The following PLCE1 variants were observed in gnomAD, a reference collection of about 807,000 sequenced individuals.
PLCE1 encodes 1-phosphatidylinositol 4,5-bisphosphate phosphodiesterase epsilon-1.
In PLCE1, 119 loss-of-function variants were observed where a neutral mutation model predicts 242.8. The observed-to-expected ratio is 0.49, with a 90% CI of 0.42 to 0.57. PLCE1 has a LOEUF of 0.57. Among genes scored for constraint, PLCE1 ranks in the 20% least tolerant of loss-of-function variants. The pLI is 0.00. For synonymous variants in PLCE1, 945 were observed against 1,017.4 expected, an observed-to-expected ratio of 0.93 and a Z score of 1.35; for missense variants, 2,441 against 2,788.8, an observed-to-expected ratio of 0.88 and a Z score of 2.81.
chr10:94,245,221 T>C (rs1231085628), intron 7 of PLCE1, among the ~76,000 whole-genome samples: 1 of 152,120 alleles, frequency 6.6e-6, no homozygotes, highest in Non-Finnish European at 1.5e-5. Flanking sequence ...CTTGAACAAA[T>C]TACTTTCCCT....
chr10:94,234,130 A>G lies in PLCE1; in HGVS notation c.2032A>G (p.Met678Val), dbSNP rs201422605. The change falls in exon 6 of 33, where the codon ATG becomes GTG. Residue 678 changes from methionine to valine, a missense_variant. Around this residue, in one of 5 missense-constraint regions of PLCE1, gnomAD observed 733 missense variants for 754.2 expected, o/e 0.97. Transcript: ENST00000371380. ...IETMRSLKDAMAQHESSCEYR... is the reference protein window; with the variant it reads ...IETMRSLKDAVAQHESSCEYR... ...GACCATGAGGAGCCTGAAGGATGCT[A>G]TGGCCCAGCATGAGTCCTCTTGTGA... 1.8e-3 allele frequency: 2,946 copies of G among 1,613,862 alleles called. 2 individuals carry two copies. Among genetic ancestry groups the G allele is most frequent in the Non-Finnish European group, 2.4e-3 (2,812 of 1,179,726 alleles).
intron 30 of PLCE1, among the ~76,000 whole-genome samples, chr10:94,323,387 C>G (rs1312361916): frequency 6.6e-6 from 1 of 152,218 alleles, no homozygotes; most frequent in Non-Finnish European, 1.5e-5. Context: ...GGAGTAAAAG[C>G]TCAGATCTGT....
intron 2 of PLCE1, among the ~76,000 whole-genome samples, chr10:94,036,524 T>A (rs1449239472): frequency 6.6e-6 from 1 of 152,122 alleles, no homozygotes; most frequent in Non-Finnish European, 1.5e-5. Flanking sequence ...ATGGAAAACA[T>A]TAATGAAGAT....
chr10:94,034,221 T>G (rs954187692), intron 2 of PLCE1, among the ~76,000 whole-genome samples: 4 of 152,174 alleles, frequency 2.6e-5, no homozygotes, highest in African/African-American at 9.7e-5. Context: ...GCCCTGCCCT[T>G]GACACATGGA....
At chr10:94,300,027 C>T (rs1390922192) in intron 24 of PLCE1, among the ~76,000 whole-genome samples, 2 of 152,174 alleles carry the variant, frequency 1.3e-5, no homozygotes, top group Non-Finnish European at 1.5e-5. Flanking sequence ...TCATTCTTTC[C>T]TGAGTGGCTG....
At chr10:94,022,074 A>G (rs1011589913) in intron 1 of PLCE1, among the ~76,000 whole-genome samples, 11 of 151,994 alleles carry the variant, frequency 7.2e-5, no homozygotes, top group Non-Finnish European at 1.5e-4. Flanking sequence ...AAAATAAATA[A>G]AAGATTTACC....
intron 4 of PLCE1, among the ~76,000 whole-genome samples, chr10:94,172,426 TG>T (rs2048013071): frequency 6.6e-6 from 1 of 152,218 alleles, no homozygotes; most frequent in Non-Finnish European, 1.5e-5. Flanking sequence ...ACAGAGTAGT[TG>T]CCTATTTTGG....
chr10:94,147,730 T>A (rs897409144), intron 3 of PLCE1, among the ~76,000 whole-genome samples: 1 of 152,166 alleles, frequency 6.6e-6, no homozygotes, highest in Non-Finnish European at 1.5e-5. Context: ...AAGCCCTAGA[T>A]GGTCACAAAT....
chr10:94,315,760 ACT>A (rs2053546037), intron 28 of PLCE1, among the ~76,000 whole-genome samples: 1 of 101,400 alleles, frequency 9.9e-6, no homozygotes, highest in Non-Finnish European at 2.0e-5. Flanking sequence ...ACAGAGGGAG[ACT>A]CTGTCTCAAA....
Position 94,130,388 on chromosome 10 carries a change from C to G in PLCE1, c.1207-1786C>G, listed in dbSNP as rs535399735. On this transcript the variant is annotated intron_variant, in intron 2 of 32. Coordinates refer to ENST00000371380, the MANE Select transcript of PLCE1 (RefSeq NM_016341.4). ...GTGTATTCTCTTTTATAGACTTGCT[C>G]AACAGTAAAGAGCATCATTTCTAGA... 1.2e-3 allele frequency among the ~76,000 whole-genome samples: 177 copies of G among 152,282 alleles called. 2 individuals carry two copies. The highest frequency in any genetic ancestry group is 9.1e-4 in the Admixed American group (14 of 15,302).
At chr10:94,230,395 G>A (rs183325056) in intron 5 of PLCE1, among the ~76,000 whole-genome samples, 6 of 152,050 alleles carry the variant, frequency 3.9e-5, no homozygotes, top group Admixed American at 6.5e-5. Flanking sequence ...TGCAATCTTC[G>A]CTCACTGCAA....
intron 22 of PLCE1, among the ~76,000 whole-genome samples, chr10:94,292,846 G>A (rs1327099965): frequency 6.6e-6 from 1 of 152,202 alleles, no homozygotes; most frequent in East Asian, 1.9e-4. Flanking sequence ...TTGGAGCCAG[G>A]TCTATGTGGT....
chr10:94,088,512 C>T (rs1222700808), intron 2 of PLCE1, among the ~76,000 whole-genome samples: 1 of 152,204 alleles, frequency 6.6e-6, no homozygotes, highest in Non-Finnish European at 1.5e-5. Flanking sequence ...AGCAGTTGCC[C>T]ATCAATAATA....
chr10:94,161,940 T>C (rs2047629597), intron 3 of PLCE1, among the ~76,000 whole-genome samples: 1 of 152,212 alleles, frequency 6.6e-6, no homozygotes, highest in South Asian at 2.1e-4. Flanking sequence ...TTGGTTCTGT[T>C]TATATGCTGG....
intron 2 of PLCE1, among the ~76,000 whole-genome samples, chr10:94,059,962 T>G (rs1177093281): frequency 6.6e-6 from 1 of 152,228 alleles, no homozygotes; most frequent in Non-Finnish European, 1.5e-5. Flanking sequence ...TGATTAAATT[T>G]GTTACACCCT....
At chr10:94,008,191 C>CAAAAAAAAAA (rs745999207) in intron 1 of PLCE1, among the ~76,000 whole-genome samples, 1 of 55,204 alleles carries the variant, frequency 1.8e-5, no homozygotes, top group Non-Finnish European at 3.6e-5. Flanking sequence ...GACCTTGTCT[C>CAAAAAAAAAA]AAAAAAAAAA....
chr10:94,255,123 G>A (rs1004150470), intron 11 of PLCE1, 74 bp downstream of exon 11: 2 of 1,504,126 alleles, frequency 1.3e-6, no homozygotes, highest in Admixed American at 3.4e-5. Flanking sequence ...TATCTTTACA[G>A]TTGTCTATGG....
chr10:94,046,791 T>G (rs745315562), intron 2 of PLCE1, among the ~76,000 whole-genome samples: 3 of 152,188 alleles, frequency 2.0e-5, no homozygotes, highest in Non-Finnish European at 2.9e-5. Context: ...TTAATGCAAG[T>G]TACTTACCCT....
intron 4 of PLCE1, among the ~76,000 whole-genome samples, chr10:94,183,376 G>T (rs1391695161): frequency 6.6e-6 from 1 of 151,544 alleles, no homozygotes; most frequent in Non-Finnish European, 1.5e-5. Context: ...CACAGACAAA[G>T]CTCCTGCCCC....
Sources: allele counts gnomAD v4.1 joint callset (sites outside exome capture counted in the v4.1 genomes callset), GRCh38; gene constraint gnomAD v4.1.1; regional missense constraint gnomAD v4.1.1; transcripts MANE v1.5; gene names NCBI Gene and HGNC (gene_info 2026-07-23, HGNC 2026-07-21).